The following DYSF variants were observed in gnomAD, a reference collection of about 807,000 sequenced individuals.
DYSF encodes the protein dysferlin.
Under a neutral mutation model 274.9 loss-of-function variants are expected in DYSF, and 212 were observed. The observed-to-expected ratio is 0.77, with a 90% CI of 0.69 to 0.86. The LOEUF (loss-of-function observed/expected upper bound fraction) is 0.86. DYSF is among the 40% of genes least tolerant of loss of function. The probability of loss-of-function intolerance (pLI) is 0.00; values close to 1 mark genes in which losing one functional copy is unlikely to be tolerated. For missense variants in DYSF, 2,666 were observed against 2,783.2 expected (o/e 0.96, Z 0.95); for synonymous variants, 1,091 against 1,078.7 (o/e 1.01, Z -0.22).
At chr2:71,463,517 T>C (rs4362586), upstream of DYSF, among the ~76,000 whole-genome samples, 5,141 of 152,178 alleles carry the variant, frequency 0.034, 165 homozygotes, top group African/African-American at 0.082. Flanking sequence ...CTCTGCAGAG[T>C]GCACAACACT....
intron 14 of DYSF, among the ~76,000 whole-genome samples, chr2:71,529,668 A>C (rs1198803767): frequency 6.6e-6 from 1 of 152,196 alleles, no homozygotes; most frequent in Non-Finnish European, 1.5e-5. Context: ...TTAGCAAGTA[A>C]ACTGTGGGTG....
At chr2:71,669,817 G>C in intron 51 of DYSF, 71 bp downstream of exon 51, 4 of 1,601,042 alleles carry the variant, frequency 2.5e-6, no homozygotes, top group Non-Finnish European at 3.4e-6. Flanking sequence ...TGACCACCAC[G>C]TCCCTGCCTG....
At chr2:71,551,560 C>A in intron 18 of DYSF, 47 bp from the exon 19 acceptor site, 3 of 1,524,640 alleles carry the variant, frequency 2.0e-6, no homozygotes, top group Middle Eastern at 3.4e-4. Context: ...TCCTTCCCCT[C>A]CTCCCCTCTG....
intron 14 of DYSF, among the ~76,000 whole-genome samples, chr2:71,533,778 A>T (rs923503703): frequency 6.6e-6 from 1 of 152,248 alleles, no homozygotes; most frequent in East Asian, 1.9e-4. Context: ...ACAGTGGTCT[A>T]TCAGACTTTA....
intron 1 of DYSF, among the ~76,000 whole-genome samples, chr2:71,459,918 G>A (rs1398871674): frequency 6.6e-6 from 1 of 152,132 alleles, no homozygotes; most frequent in Non-Finnish European, 1.5e-5. Context: ...ATGAAACTCA[G>A]TTTCCAAACA....
intron 17 of DYSF, among the ~76,000 whole-genome samples, chr2:71,543,915 GGAGGGAGAAGGA>G: frequency 6.8e-6 from 1 of 147,344 alleles, no homozygotes; most frequent in South Asian, 2.1e-4. Context: ...GGGGAGAGGG[GGAGGGAGAAGGA>G]GAGGGAGAGG....
chr2:71,660,705 C>T (rs1218601523), intron 45 of DYSF, 54 bp downstream of exon 45: 3 of 1,467,474 alleles, frequency 2.0e-6, no homozygotes, highest in South Asian at 1.1e-5. Flanking sequence ...GGATAACCCA[C>T]AGTCTAGTGG....
intron 45 of DYSF, among the ~76,000 whole-genome samples, chr2:71,663,769 G>A (rs1359083599): frequency 2.0e-5 from 3 of 152,196 alleles, no homozygotes; most frequent in Non-Finnish European, 4.4e-5. Context: ...CCAGAAAGCA[G>A]GTCCCAGGCC....
At chr2:71,488,440 T>C (rs556012132) in intron 3 of DYSF, among the ~76,000 whole-genome samples, 1 of 152,300 alleles carries the variant, frequency 6.6e-6, no homozygotes, top group South Asian at 2.1e-4. Flanking sequence ...GATGCTCACC[T>C]TGACTGCAGT....
chr2:71,625,233 T>C (rs954744699), intron 41 of DYSF, among the ~76,000 whole-genome samples: 3 of 152,090 alleles, frequency 2.0e-5, no homozygotes, highest in Non-Finnish European at 4.4e-5. Flanking sequence ...CTTTATCTCT[T>C]TCTCTCTCTC....
chr2:71,470,737 T>TTTCCTTCTTTCC (rs2081961180), intron 1 of DYSF, among the ~76,000 whole-genome samples: 2 of 96,084 alleles, frequency 2.1e-5, no homozygotes, highest in South Asian at 8.1e-4. Flanking sequence ...TCCTTCCTTC[T>TTTCCTTCTTTCC]TTCCTTCCTT....
intron 3 of DYSF, among the ~76,000 whole-genome samples, chr2:71,489,167 T>C (rs996061335): frequency 6.6e-6 from 1 of 152,142 alleles, no homozygotes; most frequent in Non-Finnish European, 1.5e-5. Flanking sequence ...TCTCCCTAAA[T>C]GTTAGTTCTG....
chr2:71,658,302 C>T (rs925758015), intron 43 of DYSF, among the ~76,000 whole-genome samples: 1 of 152,220 alleles, frequency 6.6e-6, no homozygotes, highest in Non-Finnish European at 1.5e-5. Context: ...ATATTGCTAT[C>T]AGCATTTTGG....
chr2:71,570,614 T>C lies in DYSF; in HGVS notation c.3101T>C (p.Ile1034Thr), dbSNP rs749354486. Residue 1034 changes from isoleucine to threonine, a missense_variant, in exon 29 of 56, where the codon ATC becomes ACC. Physicochemically the swap from Ile to Thr is moderately conservative, Grantham distance 89 (BLOSUM62 -1). Coordinates refer to ENST00000410020, the MANE Select transcript of DYSF (RefSeq NM_001130987.2). ...AVDEQGWEYS[I>T]TIPPERKPKH... The stretch of plus-strand genomic sequence containing the variant: ...CCTCCCCCAGGCTGGGAGTATAGCA[T>C]CACCATCCCCCCGGAGCGGAAGCCG... 1 of 1,613,916 alleles carries C rather than the reference T, an allele frequency of 6.2e-7. No individual in the cohort carries two copies. Among genetic ancestry groups the C allele is most frequent in the Non-Finnish European group, 8.5e-7 (1 of 1,179,926 alleles).
chr2:71,531,520 A>G (rs1008803457), intron 14 of DYSF, among the ~76,000 whole-genome samples: 6 of 151,758 alleles, frequency 4.0e-5, no homozygotes, highest in African/African-American at 1.5e-4. Context: ...TGATCAAAGG[A>G]CATGTATTTA....
intron 1 of DYSF, among the ~76,000 whole-genome samples, chr2:71,474,051 C>T (rs145891268): frequency 6.6e-6 from 1 of 151,720 alleles, no homozygotes; most frequent in African/African-American, 2.4e-5. Flanking sequence ...CTCAGCCTCC[C>T]GAGTAGCTGG....
intron 1 of DYSF, among the ~76,000 whole-genome samples, chr2:71,468,270 T>C (rs1362126126): frequency 2.0e-5 from 3 of 152,236 alleles, no homozygotes; most frequent in Non-Finnish European, 4.4e-5. Context: ...CACATTAGCA[T>C]AGGGCTCTGG....
intron 12 of DYSF, among the ~76,000 whole-genome samples, chr2:71,521,150 C>T (rs147602497): frequency 5.8e-4 from 89 of 152,304 alleles, no homozygotes; most frequent in African/African-American, 2.0e-3. Context: ...TCTCATTGCA[C>T]ATCCCTCTGG....
At chr2:71,610,489 GC>G (rs913262597) in intron 36 of DYSF, among the ~76,000 whole-genome samples, 3 of 152,164 alleles carry the variant, frequency 2.0e-5, no homozygotes, top group Non-Finnish European at 4.4e-5. Flanking sequence ...TGCCTCCCTT[GC>G]CCCACCTTGC....
Sources: allele counts gnomAD v4.1 joint callset (sites outside exome capture counted in the v4.1 genomes callset), GRCh38; gene constraint gnomAD v4.1.1; transcripts MANE v1.5; gene names NCBI Gene and HGNC (gene_info 2026-07-23, HGNC 2026-07-21).